IDE: variants seen among roughly 807,000 people sequenced by gnomAD.
The protein encoded by IDE is insulin-degrading enzyme.
Under a neutral mutation model 133.2 loss-of-function variants are expected in IDE, and 58 were observed. That is an observed-to-expected ratio of 0.44 (90% CI 0.35 to 0.54). The LOEUF (loss-of-function observed/expected upper bound fraction) is 0.54. Ranked by LOEUF, IDE falls within the 20% of genes least tolerant of loss-of-function variation. The pLI is 0.00. For synonymous variants in IDE, 396 were observed against 421.3 expected, an observed-to-expected ratio of 0.94 and a Z score of 0.73; for missense variants, 981 against 1,234.0, an observed-to-expected ratio of 0.79 and a Z score of 3.07.
chr10:92,532,134 T>C (rs1849961787), intron 3 of IDE, among the ~76,000 whole-genome samples: 1 of 152,036 alleles, frequency 6.6e-6, no homozygotes, highest in Non-Finnish European at 1.5e-5. Flanking sequence ...GGAGTTGATC[T>C]ACCCCAGAGA....
chr10:92,478,695 G>A (rs1016423850), intron 15 of IDE: 30 of 1,278,238 alleles, frequency 2.3e-5, no homozygotes, highest in Admixed American at 7.0e-5. Flanking sequence ...CCTGAGAGGC[G>A]TGCTGCATAT....
intron 1 of IDE, among the ~76,000 whole-genome samples, chr10:92,549,286 T>G (rs1346769132): frequency 6.6e-6 from 1 of 151,820 alleles, no homozygotes; most frequent in Non-Finnish European, 1.5e-5. Flanking sequence ...GCACAAAATA[T>G]CAATAGTGCT....
chr10:92,506,637 C>G (rs1848306790), intron 9 of IDE, 115 bp from the exon 10 acceptor site: 1 of 486,414 alleles, frequency 2.1e-6, no homozygotes, highest in Admixed American at 3.6e-5. Flanking sequence ...TTAACTTTAT[C>G]ACACTTTCTG....
intron 4 of IDE, among the ~76,000 whole-genome samples, chr10:92,526,926 C>T (rs1034150640): frequency 2.0e-5 from 3 of 151,584 alleles, no homozygotes; most frequent in African/African-American, 4.8e-5. Context: ...TGCAAACCAT[C>T]CTCCTGCCTC....
chr10:92,537,298 G>T, intron 2 of IDE, 68 bp downstream of exon 2: 1 of 1,266,860 alleles, frequency 7.9e-7, no homozygotes, highest in African/African-American at 1.5e-5. Flanking sequence ...CGTATGGAAA[G>T]TTCTAATAAA....
At position 92,501,374 on chromosome 10, in the gene IDE, A is replaced by AC. The variant is rs902263192; in HGVS notation, c.1430+3419_1430+3420insG. Among the ~76,000 whole-genome samples, 3 of 145,944 alleles carry AC rather than the reference A, an allele frequency of 2.1e-5. No homozygotes were observed. In the Admixed American group the frequency reaches 2.1e-4, roughly 10 times the overall value. On this transcript the variant is annotated intron_variant, in intron 11 of 24. Coordinates refer to ENST00000265986, the MANE Select transcript of IDE (RefSeq NM_004969.4). ...AAGACTCTGTCATTAAAAAAAAAAA[A>AC]AAAAAAAAAAAAAAAAAGCCGGTGC...
chr10:92,458,962 T>C (rs944090033), intron 22 of IDE, among the ~76,000 whole-genome samples: 1 of 152,176 alleles, frequency 6.6e-6, no homozygotes, highest in Admixed American at 6.5e-5. Flanking sequence ...TCTTTTCCTC[T>C]ATACAATGCA....
chr10:92,524,314 T>A (rs1276247029), intron 4 of IDE, among the ~76,000 whole-genome samples: 1 of 91,142 alleles, frequency 1.1e-5, no homozygotes, highest in Non-Finnish European at 1.9e-5. Context: ...CAAAAAAATA[T>A]ATATAATATA....
intron 17 of IDE, 84 bp downstream of exon 17, chr10:92,474,757 T>C (rs1846156625): frequency 8.1e-7 from 1 of 1,232,346 alleles, no homozygotes. Flanking sequence ...TATTTAAAAG[T>C]ATAAACAGTC....
intron 20 of IDE, among the ~76,000 whole-genome samples, chr10:92,464,310 A>T (rs981509779): frequency 1.3e-5 from 2 of 152,156 alleles, no homozygotes; most frequent in African/African-American, 4.8e-5. Context: ...AATCTATGCT[A>T]AAGTTACTCC....
intron 13 of IDE, among the ~76,000 whole-genome samples, chr10:92,485,125 C>CTTTTTTTTTTT (rs34615998): frequency 1.6e-4 from 16 of 100,834 alleles, no homozygotes; most frequent in Non-Finnish European, 1.7e-4. Context: ...TTCTTTCTTT[C>CTTTTTTTTTTT]TTTTTTTTTT....
At chr10:92,528,848 G>A (rs1032523340) in intron 4 of IDE, among the ~76,000 whole-genome samples, 3 of 151,970 alleles carry the variant, frequency 2.0e-5, no homozygotes, top group Non-Finnish European at 4.4e-5. Context: ...AGGCTGAGGC[G>A]GGCAGATCAC....
intron 1 of IDE, among the ~76,000 whole-genome samples, chr10:92,545,692 T>C (rs1842509424): frequency 1.3e-5 from 2 of 152,142 alleles, no homozygotes. Flanking sequence ...GTGTGACAGA[T>C]TAAAGTCCCA....
At position 92,532,185 on chromosome 10, in the gene IDE, G is replaced by C. The variant is rs544812848; in HGVS notation, c.492-268C>G. ...ATTTAAAAAATTAACACCAAAAAAG[G>C]CAGATTATGGACAATAGCAGTCTAT... On this transcript the variant is annotated intron_variant, in intron 3 of 24. Coordinates refer to ENST00000265986, the MANE Select transcript of IDE (RefSeq NM_004969.4). Among the ~76,000 whole-genome samples the C allele has an allele frequency of 1.8e-4, 27 of 151,260 alleles. 1 individual carries two copies. Among genetic ancestry groups the C allele is most frequent in the African/African-American group, 4.8e-4 (20 of 41,252 alleles).
At chr10:92,502,595 A>AT (rs1391968310) in intron 11 of IDE, among the ~76,000 whole-genome samples, 7 of 152,330 alleles carry the variant, frequency 4.6e-5, no homozygotes, top group South Asian at 4.1e-4. Flanking sequence ...ATCAGTGCAT[A>AT]TATCACTTTA....
At chr10:92,553,478 A>G (rs1229790357) in intron 1 of IDE, among the ~76,000 whole-genome samples, 2 of 152,154 alleles carry the variant, frequency 1.3e-5, no homozygotes, top group Non-Finnish European at 2.9e-5. Flanking sequence ...AAAAGAAGAG[A>G]GAATACCTCC....
intron 11 of IDE, among the ~76,000 whole-genome samples, chr10:92,493,615 A>G (rs1303038177): frequency 6.6e-6 from 1 of 152,074 alleles, no homozygotes; most frequent in African/African-American, 2.4e-5. Context: ...GGAAAAAGGC[A>G]GACTCATCAA....
intron 1 of IDE, chr10:92,554,855 CA>C (rs1030896595): frequency 4.4e-5 from 6 of 137,284 alleles, no homozygotes; most frequent in East Asian, 2.1e-4. Context: ...AATTCCATCT[CA>C]AAAAAAAAAC....
At chr10:92,469,637 G>A (rs1175119799) in intron 18 of IDE, among the ~76,000 whole-genome samples, 3 of 151,942 alleles carry the variant, frequency 2.0e-5, no homozygotes, top group Non-Finnish European at 4.4e-5. Flanking sequence ...GGCTGCTCTC[G>A]AACTCTTGGG....
Sources: gnomAD v4.1 joint callset for allele counts (sites outside exome capture counted in the v4.1 genomes callset) on GRCh38, gnomAD v4.1.1 for gene constraint, MANE v1.5 for transcripts, NCBI Gene and HGNC (gene_info 2026-07-23, HGNC 2026-07-21) for gene names.